Variants in DPP10 observed in about 807,000 individuals in gnomAD.
The protein encoded by DPP10 is dipeptidyl peptidase like 10, also known as inactive dipeptidyl peptidase 10.
Under a neutral mutation model 120.9 loss-of-function variants are expected in DPP10, and 33 were observed. The ratio of observed to expected loss-of-function variants is 0.27; its 90% CI spans 0.21 to 0.37. The LOEUF is 0.37. DPP10 is among the 10% of genes least tolerant of loss of function. The pLI, the probability that DPP10 is intolerant of heterozygous loss-of-function variation, is 1.00. For synonymous variants in DPP10, 337 were observed against 326.1 expected (o/e 1.03, Z -0.36); for missense variants, 816 against 942.8 (o/e 0.87, Z 1.76).
At chr2:115,641,567 G>A (rs563741859) in intron 5 of DPP10, among the ~76,000 whole-genome samples, 8 of 151,984 alleles carry the variant, frequency 5.3e-5, no homozygotes, top group South Asian at 2.1e-4. Context: ...TTTTATTACC[G>A]TACTTATCAC....
At chr2:114,696,787 G>A (rs1231873261) in intron 1 of DPP10, among the ~76,000 whole-genome samples, 1 of 151,882 alleles carries the variant, frequency 6.6e-6, no homozygotes, top group Non-Finnish European at 1.5e-5. Flanking sequence ...CATTAGAGGA[G>A]AGGCAAAAGC....
At chr2:114,603,231 TAAC>T (rs1447157091) in intron 1 of DPP10, among the ~76,000 whole-genome samples, 1 of 152,054 alleles carries the variant, frequency 6.6e-6, no homozygotes, top group East Asian at 1.9e-4. Context: ...CTCATTTTAA[TAAC>T]AACACTGAGA....
At chr2:115,019,510 A>T (rs970230815) in intron 1 of DPP10, among the ~76,000 whole-genome samples, 7 of 152,216 alleles carry the variant, frequency 4.6e-5, no homozygotes, top group Admixed American at 2.0e-4. Flanking sequence ...GCCTTCAAGA[A>T]GTTTGGGACT....
At chr2:115,432,859 C>T (rs1013269144) in intron 3 of DPP10, among the ~76,000 whole-genome samples, 1 of 151,914 alleles carries the variant, frequency 6.6e-6, no homozygotes, top group Non-Finnish European at 1.5e-5. Flanking sequence ...AAAGCCGTCC[C>T]TTAACAAATA....
At chr2:115,130,059 A>G (rs2050260646) in intron 1 of DPP10, among the ~76,000 whole-genome samples, 1 of 152,094 alleles carries the variant, frequency 6.6e-6, no homozygotes, top group Non-Finnish European at 1.5e-5. Context: ...TTTCACAATT[A>G]ATTTTCCATC....
intron 1 of DPP10, among the ~76,000 whole-genome samples, chr2:114,659,199 C>T (rs917803015): frequency 6.6e-6 from 1 of 152,126 alleles, no homozygotes; most frequent in Non-Finnish European, 1.5e-5. Context: ...TTCCCTATTG[C>T]AGCATGAAAA....
intron 1 of DPP10, among the ~76,000 whole-genome samples, chr2:114,642,451 CA>C (rs1379142441): frequency 6.6e-6 from 1 of 151,834 alleles, no homozygotes; most frequent in Non-Finnish European, 1.5e-5. Context: ...CAAAATTAAA[CA>C]AAAACTAAGC....
chr2:114,640,568 C>T (rs1182997010), intron 1 of DPP10, among the ~76,000 whole-genome samples: 1 of 151,792 alleles, frequency 6.6e-6, no homozygotes, highest in Non-Finnish European at 1.5e-5. Context: ...CCCTAAGGCT[C>T]TAGCGGCCAT....
intron 1 of DPP10, among the ~76,000 whole-genome samples, chr2:115,105,098 G>A (rs1438640015): frequency 6.6e-6 from 1 of 152,084 alleles, no homozygotes; most frequent in African/African-American, 2.4e-5. Context: ...GTTTGCCAAA[G>A]ATGACTCACA....
At chr2:115,429,020 AGT>A (rs1345302998) in intron 3 of DPP10, among the ~76,000 whole-genome samples, 2 of 152,208 alleles carry the variant, frequency 1.3e-5, no homozygotes, top group East Asian at 3.8e-4. Context: ...ACATAAGAAA[AGT>A]AAAGGGAAAA....
chr2:115,174,219 C>T (rs150960032), intron 1 of DPP10, among the ~76,000 whole-genome samples: 35 of 152,268 alleles, frequency 2.3e-4, no homozygotes, highest in Admixed American at 3.3e-4. Context: ...TAGGAAGACC[C>T]GTTCCAGATC....
chr2:115,232,343 A>G (rs546618126), intron 1 of DPP10, among the ~76,000 whole-genome samples: 15 of 152,092 alleles, frequency 9.9e-5, no homozygotes, highest in African/African-American at 3.4e-4. Flanking sequence ...AAAGGTTTTT[A>G]GGTGCTTTGA....
At chr2:115,810,015 T>C (rs1686449892) in intron 19 of DPP10, among the ~76,000 whole-genome samples, 1 of 151,946 alleles carries the variant, frequency 6.6e-6, no homozygotes, top group South Asian at 2.1e-4. Flanking sequence ...TACAAAAAAT[T>C]AGCCAGGCAT....
rs1348415249 is a variant in DPP10 at position 115,033,525 on chromosome 2, T to C, written c.61-275714T>C. 2.6e-5 allele frequency among the ~76,000 whole-genome samples: 4 copies of C among 152,258 alleles called. No homozygotes were observed. In the East Asian group the frequency reaches 7.7e-4, roughly 29 times the overall value. ...TGTGCCAAGGTCCTCACAGCAATGG[T>C]CACTTGGCCTCCATTTCCACTCTTC... On this transcript the variant is annotated intron_variant, in intron 1 of 25. Transcript: ENST00000410059.
intron 1 of DPP10, among the ~76,000 whole-genome samples, chr2:115,200,916 G>A (rs1277687420): frequency 2.0e-5 from 3 of 152,170 alleles, no homozygotes; most frequent in African/African-American, 7.2e-5. Context: ...AATGCTCATA[G>A]AGAGGAAGCA....
At chr2:115,561,013 A>G (rs1396010295) in intron 5 of DPP10, among the ~76,000 whole-genome samples, 1 of 152,084 alleles carries the variant, frequency 6.6e-6, no homozygotes, top group Non-Finnish European at 1.5e-5. Context: ...TATGGAAGCT[A>G]GCCCATTACC....
chr2:115,623,614 A>C lies in DPP10; in HGVS notation c.442-66073A>C, dbSNP rs576887404. 4.8e-4 allele frequency among the ~76,000 whole-genome samples: 73 copies of C among 152,326 alleles called. 1 individual carries two copies. Among genetic ancestry groups the C allele is most frequent in the Admixed American group, 1.8e-3 (28 of 15,304 alleles). On this transcript the variant is annotated intron_variant, in intron 5 of 25. Transcript: ENST00000410059. ...AACAGAGCTTACAATTTATGGAAAGACTGCCTCTTACTCTGAGGAAGGTGG... is the reference window on the plus strand; with the variant it reads ...AACAGAGCTTACAATTTATGGAAAGCCTGCCTCTTACTCTGAGGAAGGTGG...
At chr2:115,401,430 A>T (rs773931958) in intron 3 of DPP10, among the ~76,000 whole-genome samples, 1 of 152,244 alleles carries the variant, frequency 6.6e-6, no homozygotes, top group Admixed American at 6.5e-5. Context: ...ACATTTTTTT[A>T]AAATGTATCT....
At chr2:114,683,008 G>C (rs866296579) in intron 1 of DPP10, among the ~76,000 whole-genome samples, 53 of 151,966 alleles carry the variant, frequency 3.5e-4, no homozygotes, top group Middle Eastern at 6.8e-3. Context: ...GAAAGACCCT[G>C]TATTTCTAAT....
Sources: gnomAD v4.1 joint callset for allele counts (sites outside exome capture counted in the v4.1 genomes callset) on GRCh38, gnomAD v4.1.1 for gene constraint, MANE v1.5 for transcripts, NCBI Gene and HGNC (gene_info 2026-07-23, HGNC 2026-07-21) for gene names.